The following EML4 variants were observed in gnomAD, a reference collection of about 807,000 sequenced individuals.
EML4 encodes echinoderm microtubule-associated protein-like 4.
A neutral mutation model predicts 129.0 loss-of-function variants in EML4; 72 were observed. The ratio of observed to expected loss-of-function variants is 0.56; its 90% confidence interval spans 0.46 to 0.68. The LOEUF (loss-of-function observed/expected upper bound fraction) is 0.68, where lower values mean the gene tolerates loss of function less well. EML4 is among the 30% of genes least tolerant of loss of function. The pLI is 0.00. For synonymous variants in EML4, 532 were observed against 405.0 expected, an observed-to-expected ratio of 1.31 and a Z score of -3.77; for missense variants, 1,363 against 1,190.6, an observed-to-expected ratio of 1.14 and a Z score of -2.13.
intron 6 of EML4, among the ~76,000 whole-genome samples, chr2:42,270,154 G>C (rs920494799): frequency 6.6e-6 from 1 of 152,170 alleles, no homozygotes; most frequent in South Asian, 2.1e-4. Flanking sequence ...ATATCACTAA[G>C]GTCTTTTTGG....
intron 3 of EML4, 64 bp from the exon 4 acceptor site, chr2:42,261,057 T>C (rs1400098823): frequency 2.4e-6 from 3 of 1,244,622 alleles, no homozygotes; most frequent in Non-Finnish European, 3.3e-6. Context: ...ATCACTTTTC[T>C]ATCGTTTGAT....
chr2:42,329,862 G>C lies in EML4; in HGVS notation c.2601G>C (p.Lys867Asn), dbSNP rs769553630. Residue 867 changes from lysine (K) to asparagine (N), a missense_variant, in exon 23 of 23, where the codon AAG (lysine) becomes AAC (asparagine). Physicochemically the swap from Lys to Asn is moderately conservative, Grantham distance 94. Coordinates refer to ENST00000318522, the MANE Select transcript of EML4 (RefSeq NM_019063.5). ...MSIIQWKLVEKLSLPQNETVA... is the reference protein window; with the variant it reads ...MSIIQWKLVENLSLPQNETVA... ...TCATTCAGTGGAAACTTGTGGAAAA[G>C]TTATCTTTGCCTCAGAATGAGACTG... 1.9e-6 allele frequency: 3 copies of C among 1,614,122 alleles called. No homozygotes were observed. Among genetic ancestry groups the C allele is most frequent in the South Asian group, 2.2e-5 (2 of 91,076 alleles).
At chr2:42,302,934 T>C (rs924620637) in intron 14 of EML4, among the ~76,000 whole-genome samples, 170 bp from the exon 15 acceptor site, 14 of 152,234 alleles carry the variant, frequency 9.2e-5, no homozygotes, top group Admixed American at 3.3e-4. Context: ...AACTTCTGTA[T>C]AATAAAATGT....
At chr2:42,192,229 T>G (rs1671631640) in intron 1 of EML4, among the ~76,000 whole-genome samples, 2 of 150,198 alleles carry the variant, frequency 1.3e-5, no homozygotes, top group African/African-American at 5.0e-5. Context: ...TTGTTGTTTT[T>G]TTGTTTTTTT....
chr2:42,219,633 T>C (rs542875784), intron 1 of EML4, among the ~76,000 whole-genome samples: 7 of 152,252 alleles, frequency 4.6e-5, no homozygotes, highest in African/African-American at 1.4e-4. Context: ...AAAACCCCTT[T>C]CTGGCTGGGT....
At chr2:42,283,088 T>C (rs916409526) in intron 8 of EML4, 116 bp downstream of exon 8, 24 of 972,956 alleles carry the variant, frequency 2.5e-5, no homozygotes, top group African/African-American at 3.4e-5. Context: ...TGTAAAAATA[T>C]TATGGGTCAT....
intron 1 of EML4, among the ~76,000 whole-genome samples, chr2:42,217,188 A>G (rs1286238553): frequency 6.6e-6 from 1 of 152,206 alleles, no homozygotes; most frequent in Non-Finnish European, 1.5e-5. Context: ...TGACATATGT[A>G]TATTTACTAT....
At chr2:42,302,537 T>C (rs1182458843) in intron 14 of EML4, among the ~76,000 whole-genome samples, 1 of 131,466 alleles carries the variant, frequency 7.6e-6, no homozygotes, top group African/African-American at 3.4e-5. Flanking sequence ...AACTTACTTC[T>C]TTTTTTTTTT....
At chr2:42,244,530 C>G (rs1458797691) in intron 1 of EML4, among the ~76,000 whole-genome samples, 1 of 152,186 alleles carries the variant, frequency 6.6e-6, no homozygotes, top group Non-Finnish European at 1.5e-5. Context: ...TAGTCTTTCT[C>G]TTGTTGCTGT....
intron 11 of EML4, among the ~76,000 whole-genome samples, chr2:42,290,086 C>CA (rs1398341097): frequency 6.6e-6 from 1 of 151,632 alleles, no homozygotes; most frequent in African/African-American, 2.4e-5. Flanking sequence ...GACTTCGTCT[C>CA]AAAAAATAAT....
chr2:42,303,625 A>G (rs1405409377), intron 16 of EML4, among the ~76,000 whole-genome samples, 179 bp downstream of exon 16: 17 of 152,118 alleles, frequency 1.1e-4, no homozygotes, highest in Admixed American at 1.1e-3. Flanking sequence ...ACATGAACCG[A>G]TTTTAAAGAA....
Position 42,295,518 on chromosome 2 carries a change from T to G in EML4, c.1489+2T>G, listed in dbSNP as rs2103681677. 6.2e-7 allele frequency: 1 copy of G among 1,608,896 alleles called. No individual in the cohort carries two copies. Among genetic ancestry groups the G allele is most frequent in the Non-Finnish European group, 8.5e-7 (1 of 1,178,520 alleles). On this transcript the variant is annotated splice_donor_variant, in intron 13 of 22. Coordinates refer to ENST00000318522, the MANE Select transcript of EML4 (RefSeq NM_019063.5). LOFTEE classifies it high-confidence loss of function. The stretch of plus-strand genomic sequence containing the variant: ...CCACACCTGGGAAAGGACCTAAAGG[T>G]ACAGTATTCTTATATTAAACTCATT...
intron 6 of EML4, among the ~76,000 whole-genome samples, chr2:42,268,703 G>A (rs761233781): frequency 4.3e-4 from 66 of 152,132 alleles, no homozygotes; most frequent in Non-Finnish European, 8.1e-4. Flanking sequence ...CTCCCAAAGC[G>A]TTAGGATTAT....
At chr2:42,247,881 A>G (rs892923976) in intron 2 of EML4, among the ~76,000 whole-genome samples, 1 of 152,180 alleles carries the variant, frequency 6.6e-6, no homozygotes, top group Non-Finnish European at 1.5e-5. Flanking sequence ...TATATAATAT[A>G]CAGACTCAGA....
chr2:42,267,469 A>G (rs537369759), intron 6 of EML4, among the ~76,000 whole-genome samples: 13 of 152,264 alleles, frequency 8.5e-5, no homozygotes, highest in South Asian at 8.3e-4. Context: ...CTTTTTGACA[A>G]TGATAGCTGT....
chr2:42,269,704 AAAGTATAT>A (rs1193824663), intron 6 of EML4, among the ~76,000 whole-genome samples: 1 of 152,254 alleles, frequency 6.6e-6, no homozygotes, highest in Non-Finnish European at 1.5e-5. Flanking sequence ...GCCGTTCATA[AAAGTATAT>A]AAGTATATAA....
intron 2 of EML4, among the ~76,000 whole-genome samples, chr2:42,246,063 C>T (rs1401393427): frequency 6.6e-6 from 1 of 152,104 alleles, no homozygotes; most frequent in African/African-American, 2.4e-5. Flanking sequence ...AATACAGAAA[C>T]ATAATTAAAA....
At chr2:42,245,094 C>CT (rs56808218) in intron 1 of EML4, among the ~76,000 whole-genome samples, 3,166 of 66,614 alleles carry the variant, frequency 0.048, 323 homozygotes, top group African/African-American at 0.19. Context: ...AATTTTCTTT[C>CT]TTTTTTTTTT....
chr2:42,325,181 G>A, intron 19 of EML4: 1 of 536,810 alleles, frequency 1.9e-6, no homozygotes, highest in Non-Finnish European at 3.7e-6. Context: ...GGTATGTGTT[G>A]CAATGTCCTG....
Sources: allele counts gnomAD v4.1 joint callset (sites outside exome capture counted in the v4.1 genomes callset), GRCh38; gene constraint gnomAD v4.1.1; transcripts MANE v1.5; gene names NCBI Gene and HGNC (gene_info 2026-07-23, HGNC 2026-07-21).